Variants in STS observed in about 807,000 individuals in gnomAD.
STS encodes steroid sulfatase.
Under a neutral mutation model 26.8 loss-of-function variants are expected in STS, and 7 were observed. The ratio of observed to expected loss-of-function variants is 0.26; its 90% CI spans 0.15 to 0.49. The LOEUF is 0.49. STS is among the 20% of genes least tolerant of loss of function. The pLI is 0.98. For synonymous variants in STS, 199 were observed against 189.4 expected (o/e 1.05, Z -0.42); for missense variants, 434 against 465.6 (o/e 0.93, Z 0.63).
At chrX:7,315,508 A>G (rs1298914875) in intron 8 of STS, among the ~76,000 whole-genome samples, 1 of 111,429 alleles carries the variant, frequency 9.0e-6, no homozygotes, top group Non-Finnish European at 1.9e-5. Context: ...GAATTGACTC[A>G]CACAATCACA....
intron 2 of STS, among the ~76,000 whole-genome samples, chrX:7,225,914 A>T (rs760610925): frequency 7.1e-5 from 8 of 112,308 alleles, no homozygotes; most frequent in Non-Finnish European, 1.3e-4. Flanking sequence ...CTAGAGGAGA[A>T]TGTTGGATGT....
chrX:7,229,196 T>C (rs1188919415), intron 2 of STS, among the ~76,000 whole-genome samples: 2 of 112,429 alleles, frequency 1.8e-5, no homozygotes, highest in African/African-American at 6.5e-5. Context: ...AGTCATATTT[T>C]CGCCTAGAAA....
intron 2 of STS, among the ~76,000 whole-genome samples, chrX:7,192,002 A>G (rs1673305956): frequency 8.9e-6 from 1 of 112,595 alleles, no homozygotes; most frequent in Non-Finnish European, 1.9e-5. Context: ...GTTCTTGGAC[A>G]TGTCTGGACC....
At chrX:7,179,168 G>T (rs1310680886) in intron 1 of STS, among the ~76,000 whole-genome samples, 1 of 109,854 alleles carries the variant, frequency 9.1e-6, no homozygotes, top group Non-Finnish European at 1.9e-5. Context: ...TCATGAAAGT[G>T]GTAACTGGCC....
At chrX:7,191,524 C>T (rs1933871940) in intron 2 of STS, among the ~76,000 whole-genome samples, 3 of 112,373 alleles carry the variant, frequency 2.7e-5, no homozygotes, top group African/African-American at 9.7e-5. Flanking sequence ...AGGAAGAGCT[C>T]CTCCGCCTGG....
At chrX:7,190,119 T>A (rs1933846174) in intron 1 of STS, among the ~76,000 whole-genome samples, 1 of 110,697 alleles carries the variant, frequency 9.0e-6, no homozygotes, top group Non-Finnish European at 1.9e-5. Context: ...ATTATTACAT[T>A]GTAATATATA....
At chrX:7,215,023 T>TATATATACGTATATATATA (rs1491187263) in intron 2 of STS, among the ~76,000 whole-genome samples, 1 of 65,128 alleles carries the variant, frequency 1.5e-5, no homozygotes, top group Admixed American at 2.0e-4. Context: ...TATATATATA[T>TATATATACGTATATATATA]TATATATGTA....
At chrX:7,205,118 G>A (rs1015633923) in intron 2 of STS, among the ~76,000 whole-genome samples, 1 of 111,779 alleles carries the variant, frequency 8.9e-6, no homozygotes, top group Non-Finnish European at 1.9e-5. Context: ...AAGATTTGGA[G>A]TTGTTAGTAA....
At chrX:7,220,463 A>G (rs1300100547) in intron 2 of STS, among the ~76,000 whole-genome samples, 1 of 108,662 alleles carries the variant, frequency 9.2e-6, no homozygotes, top group Non-Finnish European at 1.9e-5. Context: ...CCACCATTCG[A>G]GCACACTTAA....
chrX:7,337,863 G>A (rs1928106495), intron 10 of STS, among the ~76,000 whole-genome samples: 1 of 112,067 alleles, frequency 8.9e-6, no homozygotes, highest in Non-Finnish European at 1.9e-5. Flanking sequence ...TTTACCATTT[G>A]TCTTGATTAC....
intron 10 of STS, 30 bp downstream of exon 10, chrX:7,334,137 A>G: frequency 8.3e-7 from 1 of 1,210,847 alleles, no homozygotes; most frequent in African/African-American, 1.7e-5. Flanking sequence ...CACGCTCCTC[A>G]TGCTCCGTGC....
intron 1 of STS, 126 bp downstream of exon 1, chrX:7,148,209 G>C (rs1390064684): frequency 2.0e-6 from 1 of 500,366 alleles, no homozygotes; most frequent in African/African-American, 2.6e-5. Flanking sequence ...CGCGCGCCCG[G>C]GGTCGCTCTG....
chrX:7,159,267 C>T (rs1933195673), intron 1 of STS, among the ~76,000 whole-genome samples: 1 of 111,393 alleles, frequency 9.0e-6, no homozygotes, highest in Non-Finnish European at 1.9e-5. Flanking sequence ...GCTGTTTCAT[C>T]AGCGTTGATG....
intron 2 of STS, among the ~76,000 whole-genome samples, chrX:7,208,336 G>A (rs1428230495): frequency 8.9e-6 from 1 of 112,065 alleles, no homozygotes; most frequent in African/African-American, 3.2e-5. Flanking sequence ...TACTCACCAT[G>A]GAAACAGTTT....
At chrX:7,333,927 A>G in intron 9 of STS, 59 bp from the exon 10 acceptor site, 1 of 1,206,443 alleles carries the variant, frequency 8.3e-7, no homozygotes, top group Non-Finnish European at 1.1e-6. Context: ...TTGGTTCAGA[A>G]GGACATTTGA....
intron 6 of STS, 128 bp downstream of exon 6, chrX:7,259,900 G>C: frequency 1.1e-6 from 1 of 888,402 alleles, no homozygotes; most frequent in Non-Finnish European, 1.6e-6. Flanking sequence ...TTTTGAGACA[G>C]AGTCTTGCTC....
chrX:7,351,523 G>A lies in STS; in HGVS notation c.*1262G>A, dbSNP rs1489762500. 1 of 111,895 alleles carries A rather than the reference G, an allele frequency of 8.9e-6. No homozygotes were observed. Among genetic ancestry groups the A allele is most frequent in the Non-Finnish European group, 1.9e-5 (1 of 53,185 alleles). The allele number at this position is 111,895 out of a possible 1,213,427, so 9.2% of individuals were successfully genotyped here. On this transcript the variant is annotated 3_prime_UTR_variant, in exon 11 of 11. Coordinates refer to ENST00000674429, the MANE Select transcript of STS (RefSeq NM_001320752.2). Reference sequence around the variant, plus strand: ...GTCTAAACCACCAGCCCATCCTGAGGAAAGCCTCCTATGGAATGTAAAGTG... The same window carrying A: ...GTCTAAACCACCAGCCCATCCTGAGAAAAGCCTCCTATGGAATGTAAAGTG...
chrX:7,230,744 A>G (rs1230530562), intron 2 of STS, among the ~76,000 whole-genome samples: 2 of 111,318 alleles, frequency 1.8e-5, no homozygotes, highest in East Asian at 2.9e-4. Flanking sequence ...TCACAAGAAC[A>G]GCATGGGGGA....
At chrX:7,319,790 T>C (rs997533860) in intron 8 of STS, among the ~76,000 whole-genome samples, 1 of 106,826 alleles carries the variant, frequency 9.4e-6, no homozygotes, top group Non-Finnish European at 1.9e-5. Context: ...AAAGTGATAT[T>C]GGAGAACTGT....
Sources: allele counts gnomAD v4.1 joint callset (sites outside exome capture counted in the v4.1 genomes callset), GRCh38; gene constraint gnomAD v4.1.1; transcripts MANE v1.5; gene names NCBI Gene and HGNC (gene_info 2026-07-23, HGNC 2026-07-21).